Variants in REPS2 observed in about 807,000 individuals in gnomAD.
The protein encoded by REPS2 is RALBP1 associated Eps domain containing 2.
In REPS2, 23 loss-of-function variants were observed where a neutral mutation model predicts 53.6. That is an observed-to-expected ratio of 0.43 (90% CI 0.31 to 0.61). REPS2 has a LOEUF of 0.61. Among genes scored for constraint, REPS2 ranks in the 20% least tolerant of loss-of-function variants. REPS2 has a pLI of 0.11. For missense variants in REPS2, 446 were observed against 534.9 expected (o/e 0.83, Z 1.64); for synonymous variants, 238 against 218.6 (o/e 1.09, Z -0.78).
chrX:17,038,588 C>T (rs1264190578), intron 5 of REPS2, among the ~76,000 whole-genome samples: 2 of 112,554 alleles, frequency 1.8e-5, no homozygotes, highest in African/African-American at 3.2e-5. Flanking sequence ...ATCCGTCTTC[C>T]GTGGGTGTAT....
At position 17,008,576 on chromosome X, in the gene REPS2, T is replaced by C. The variant is rs113418282; in HGVS notation, c.397+2232T>C. On this transcript the variant is annotated intron_variant, in intron 2 of 17. Coordinates refer to ENST00000357277, the MANE Select transcript of REPS2 (RefSeq NM_004726.3). ...TCTGAATTATCTTCCTTCACCACTC[T>C]CTACTAATCCATTTAAAGATTGATT... Among the ~76,000 whole-genome samples the C allele has an allele frequency of 5.0e-3, 561 of 112,338 alleles. 3 individuals are homozygous for C. Among genetic ancestry groups the C allele is most frequent in the African/African-American group, 0.017 (540 of 30,932 alleles).
chrX:16,997,766 G>C (rs2061249770), intron 1 of REPS2, among the ~76,000 whole-genome samples: 1 of 112,339 alleles, frequency 8.9e-6, no homozygotes, highest in African/African-American at 3.2e-5. Flanking sequence ...ATTTTATACT[G>C]ATTATCCCAG....
chrX:16,985,780 G>A (rs2061083665), intron 1 of REPS2, among the ~76,000 whole-genome samples: 1 of 111,460 alleles, frequency 9.0e-6, no homozygotes, highest in African/African-American at 3.3e-5. Context: ...TACAACTTTT[G>A]GTTTTAAACA....
intron 1 of REPS2, among the ~76,000 whole-genome samples, chrX:16,964,896 G>A (rs1314869500): frequency 5.1e-5 from 4 of 78,354 alleles, no homozygotes; most frequent in Non-Finnish European, 7.3e-5. Context: ...CGGACGGGGC[G>A]GCTGGCCAGG....
intron 14 of REPS2, among the ~76,000 whole-genome samples, chrX:17,119,868 CTTTTTTTTTTTT>C (rs35141257): frequency 7.4e-5 from 3 of 40,516 alleles, no homozygotes; most frequent in Non-Finnish European, 1.2e-4. Context: ...CGCACTGTGA[CTTTTTTTTTTTT>C]TTTTTTTTTT....
intron 14 of REPS2, among the ~76,000 whole-genome samples, chrX:17,104,815 C>T (rs1368228417): frequency 4.5e-5 from 5 of 111,697 alleles, no homozygotes; most frequent in Non-Finnish European, 7.5e-5. Context: ...TTGGTTGAAC[C>T]GTCAACAAGT....
rs1041285954 is a variant in REPS2, at chrX:17,152,150, G to T, written c.*4669G>T. The T allele has an allele frequency of 8.9e-6, 1 of 111,861 alleles. No individual in the cohort carries two copies. The highest frequency in any genetic ancestry group is 1.9e-5 in the Non-Finnish European group (1 of 53,187). The allele number at this position is 111,861 out of a possible 1,213,427, so 9.2% of individuals were successfully genotyped here. A position where few individuals can be genotyped will look rare whatever the true frequency, so the allele number is the denominator to read the frequency against. ...TGGAGGGCCAGACTTTAAAAGCAAC[G>T]CAAGCAGATTCGAAGAGCTGTTGCC... On this transcript the variant is annotated 3_prime_UTR_variant, in exon 18 of 18. Transcript: ENST00000357277.
At chrX:17,125,146 C>T (rs977981323) in intron 14 of REPS2, among the ~76,000 whole-genome samples, 1 of 111,079 alleles carries the variant, frequency 9.0e-6, no homozygotes, top group Non-Finnish European at 1.9e-5. Context: ...AGCCACCATG[C>T]CCGGCCAGAC....
intron 1 of REPS2, among the ~76,000 whole-genome samples, chrX:16,951,556 CACA>C (rs1170398495): frequency 0.051 from 1,469 of 28,526 alleles, 61 homozygotes; most frequent in East Asian, 0.21. Flanking sequence ...CACACACACA[CACA>C]CCCCCGCTAC....
intron 6 of REPS2, among the ~76,000 whole-genome samples, chrX:17,050,198 T>TTTCTTC (rs2061977971): frequency 8.7e-5 from 2 of 22,966 alleles, no homozygotes; most frequent in Non-Finnish European, 7.1e-5. Flanking sequence ...TTCTTTCTTT[T>TTTCTTC]TTTTTTTTTT....
intron 13 of REPS2, among the ~76,000 whole-genome samples, chrX:17,097,125 G>A (rs950075799): frequency 9.0e-6 from 1 of 111,683 alleles, no homozygotes; most frequent in Non-Finnish European, 1.9e-5. Flanking sequence ...GAGAAGATGG[G>A]CCATCTAACA....
rs2062172790 is a variant in REPS2, at chrX:17,062,550, G to A, written c.1209+18G>A. On this transcript the variant is annotated intron_variant, in intron 9 of 17. Coordinates refer to ENST00000357277, the MANE Select transcript of REPS2 (RefSeq NM_004726.3). ...GGATGGAGGTAAAAGATCTTCATAT[G>A]CTAATAAATAAGGATGTGTATGGAG... 1 of 1,116,130 alleles carries A rather than the reference G, an allele frequency of 9.0e-7. No homozygotes were observed. The highest frequency in any genetic ancestry group is 2.4e-4 in the Middle Eastern group (1 of 4,129). The allele number at this position is 1,116,130 out of a possible 1,213,427, so 92.0% of individuals were successfully genotyped here.
At chrX:17,101,898 T>C (rs895738123) in intron 13 of REPS2, among the ~76,000 whole-genome samples, 1 of 112,150 alleles carries the variant, frequency 8.9e-6, no homozygotes, top group African/African-American at 3.2e-5. Context: ...GAAGCACAAG[T>C]CAATTTAATT....
chrX:17,096,209 T>C (rs1192586424), intron 13 of REPS2, among the ~76,000 whole-genome samples: 2 of 111,775 alleles, frequency 1.8e-5, no homozygotes, highest in Admixed American at 1.9e-4. Flanking sequence ...GAATTCACTT[T>C]CCACATGCCT....
the REPS2 span, among the ~76,000 whole-genome samples, chrX:17,192,060 G>A: frequency 1.8e-5 from 2 of 112,412 alleles, no homozygotes; most frequent in South Asian, 7.4e-4. Flanking sequence ...AACAACAAGT[G>A]CATGTATTAT....
chrX:16,971,186 T>C (rs1332423666), intron 1 of REPS2, among the ~76,000 whole-genome samples: 1 of 112,365 alleles, frequency 8.9e-6, no homozygotes, highest in Non-Finnish European at 1.9e-5. Context: ...ATGGCTATCC[T>C]AGTGGGTGTA....
intron 5 of REPS2, among the ~76,000 whole-genome samples, chrX:17,030,532 C>G (rs917035994): frequency 8.9e-6 from 1 of 111,775 alleles, no homozygotes; most frequent in African/African-American, 3.3e-5. Context: ...TAAACAAAGT[C>G]TAAAGAAGGT....
Position 17,100,031 on chromosome X carries a change from C to G in REPS2, c.1517-3687C>G, listed in dbSNP as rs955958974. ...CTTCTTTCTTCTTCTTTGGTTTGCT[C>G]TCCTCTCCCTTATCTTCAGAATCAG... On this transcript the variant is annotated intron_variant, in intron 13 of 17. Transcript: ENST00000357277. 3.4e-6 allele frequency: 4 copies of G among 1,162,913 alleles called. No homozygotes were observed. The African/African-American group carries it at 7.1e-5, about 21-fold the overall frequency.
intron 1 of REPS2, among the ~76,000 whole-genome samples, chrX:16,965,515 G>A (rs1222167129): frequency 3.7e-5 from 4 of 108,799 alleles, no homozygotes; most frequent in African/African-American, 1.0e-4. Context: ...CAGACGGGGC[G>A]GTTGCCAGGC....
Sources: gnomAD v4.1 joint callset for allele counts (sites outside exome capture counted in the v4.1 genomes callset) on GRCh38, gnomAD v4.1.1 for gene constraint, MANE v1.5 for transcripts, NCBI Gene and HGNC (gene_info 2026-07-23, HGNC 2026-07-21) for gene names.